The following CHRNA7 variants were observed in gnomAD, a reference collection of about 807,000 sequenced individuals.
CHRNA7 encodes the protein cholinergic receptor nicotinic alpha 7 subunit.
A neutral mutation model predicts 48.0 loss-of-function variants in CHRNA7; 17 were observed. That is an observed-to-expected ratio of 0.35 (90% CI 0.24 to 0.53). The LOEUF is 0.53. Among genes scored for constraint, CHRNA7 ranks in the 20% least tolerant of loss-of-function variants. CHRNA7 has a pLI of 0.92. For missense variants in CHRNA7, 155 were observed against 577.7 expected (o/e 0.27, Z 7.50); for synonymous variants, 75 against 242.3 (o/e 0.31, Z 6.41).
intron 2 of CHRNA7, among the ~76,000 whole-genome samples, chr15:32,051,885 C>G (rs1193510463): frequency 6.6e-6 from 1 of 152,160 alleles, no homozygotes; most frequent in Non-Finnish European, 1.5e-5. Flanking sequence ...AGACGTTCCC[C>G]AGGCTGGTCT....
At chr15:32,117,659 G>A (rs572269162) in intron 4 of CHRNA7, among the ~76,000 whole-genome samples, 1 of 152,268 alleles carries the variant, frequency 6.6e-6, no homozygotes, top group Admixed American at 6.5e-5. Context: ...CTAAAGAAGA[G>A]CCCAAGCCTG....
chr15:32,036,774 G>GT (rs36093665), intron 2 of CHRNA7, among the ~76,000 whole-genome samples: 10,060 of 134,222 alleles, frequency 0.075, 434 homozygotes, highest in East Asian at 0.14. Flanking sequence ...TTTTCAGTGG[G>GT]TTTTTTTTTT....
chr15:32,078,808 A>G (rs1469914297), intron 2 of CHRNA7, among the ~76,000 whole-genome samples: 1 of 152,174 alleles, frequency 6.6e-6, no homozygotes, highest in Non-Finnish European at 1.5e-5. Context: ...TCATGAGGCC[A>G]GCATCATCCT....
At chr15:32,088,033 T>C (rs1215503442) in intron 2 of CHRNA7, among the ~76,000 whole-genome samples, 1 of 152,238 alleles carries the variant, frequency 6.6e-6, no homozygotes, top group African/African-American at 2.4e-5. Context: ...TAATGTCTTG[T>C]ATTCACCATT....
intron 2 of CHRNA7, among the ~76,000 whole-genome samples, chr15:32,094,724 G>C (rs867184861): frequency 6.6e-6 from 1 of 151,070 alleles, no homozygotes; most frequent in Non-Finnish European, 1.5e-5. Flanking sequence ...GCAGTGGCAC[G>C]ATCTCAGCTC....
rs2051584245 is a variant in CHRNA7, at chr15:32,149,822, A to G, written c.351-4085A>G. Among the ~76,000 whole-genome samples, 1 of 151,654 alleles carries G rather than the reference A, an allele frequency of 6.6e-6. No individual in the cohort carries two copies. ...TACCTGTTTGCCTTGTGATCTCAAG[A>G]GTCTCTTCAATTAAATTGATCCAAA... On this transcript the variant is annotated intron_variant, in intron 4 of 9. Transcript: ENST00000306901. This position sits in a 1 kb window ranked among gnomAD's most constrained non-coding sequence, Gnocchi z 4.6.
intron 2 of CHRNA7, among the ~76,000 whole-genome samples, chr15:32,064,123 T>C (rs1278213422): frequency 6.6e-6 from 1 of 152,214 alleles, no homozygotes; most frequent in Admixed American, 6.5e-5. Context: ...TTTGTTTTGC[T>C]CTCTGAATGT....
intron 3 of CHRNA7, among the ~76,000 whole-genome samples, chr15:32,106,374 C>T (rs2050669374): frequency 6.6e-6 from 1 of 152,064 alleles, no homozygotes; most frequent in Admixed American, 6.5e-5. Context: ...ATGGAAAAGG[C>T]AGAAAGGTAA....
intron 4 of CHRNA7, among the ~76,000 whole-genome samples, chr15:32,135,958 C>A (rs2141326139): frequency 6.6e-6 from 1 of 152,214 alleles, no homozygotes. Flanking sequence ...AATTGTCAAC[C>A]TAGAGTTTTA....
intron 6 of CHRNA7, chr15:32,158,153 ATTAT>A (rs2051782634): frequency 3.0e-6 from 1 of 333,562 alleles, no homozygotes. Flanking sequence ...TTGGTAATGT[ATTAT>A]TTATAATTAT....
chr15:32,109,382 T>G (rs777432346), intron 3 of CHRNA7, among the ~76,000 whole-genome samples: 3 of 152,194 alleles, frequency 2.0e-5, no homozygotes, highest in Non-Finnish European at 4.4e-5. Flanking sequence ...CAGCAAGGTC[T>G]TTATGGCCTG....
At chr15:32,077,206 C>T (rs953201561) in intron 2 of CHRNA7, among the ~76,000 whole-genome samples, 5 of 151,796 alleles carry the variant, frequency 3.3e-5, no homozygotes, top group African/African-American at 1.2e-4. Context: ...TACTGAATGA[C>T]ATTTTGGTTG....
chr15:32,035,187 A>G (rs889614405), intron 2 of CHRNA7, among the ~76,000 whole-genome samples: 3 of 152,186 alleles, frequency 2.0e-5, no homozygotes, highest in Non-Finnish European at 4.4e-5. Flanking sequence ...GGAATGAGAT[A>G]ATACATAAGA....
At chr15:32,051,148 C>T (rs10775172) in intron 2 of CHRNA7, among the ~76,000 whole-genome samples, 129,885 of 147,866 alleles carry the variant, frequency 0.88, 57,706 homozygotes, top group South Asian at 0.95. Flanking sequence ...TCTCCAGCTG[C>T]GTGCTGGGAG....
intron 2 of CHRNA7, chr15:32,099,968 C>T (rs953817427): frequency 6.6e-6 from 1 of 152,196 alleles, no homozygotes; most frequent in East Asian, 1.9e-4. Context: ...CATCCCATGT[C>T]CCTCCCCAGG....
chr15:32,088,357 G>A (rs2050331464), intron 2 of CHRNA7, among the ~76,000 whole-genome samples: 1 of 152,160 alleles, frequency 6.6e-6, no homozygotes, highest in Non-Finnish European at 1.5e-5. Flanking sequence ...CATCCTGATT[G>A]CATCCAGTTT....
intron 3 of CHRNA7, chr15:32,102,385 A>T (rs2050588965): frequency 6.6e-6 from 1 of 152,148 alleles, no homozygotes; most frequent in Non-Finnish European, 1.5e-5. Flanking sequence ...ACTTCAGGTG[A>T]TCCACCCACC....
At chr15:32,030,507 G>C, upstream of CHRNA7, 1 of 1,283,780 alleles carries the variant, frequency 7.8e-7, no homozygotes, top group Non-Finnish European at 9.9e-7. Context: ...CGAGCCGAGC[G>C]GCGAGGTGCC....
intron 2 of CHRNA7, among the ~76,000 whole-genome samples, chr15:32,067,642 C>CT (rs151070646): frequency 2.0e-5 from 3 of 152,132 alleles, no homozygotes; most frequent in African/African-American, 7.2e-5. Context: ...GTTCATAACT[C>CT]TTTTTTTCTC....
Sources: gnomAD v4.1 joint callset for allele counts (sites outside exome capture counted in the v4.1 genomes callset) on GRCh38, gnomAD v4.1.1 for gene constraint, Gnocchi (gnomAD v3.1) non-coding constraint, MANE v1.5 for transcripts, NCBI Gene and HGNC (gene_info 2026-07-23, HGNC 2026-07-21) for gene names.